NRG1: variants seen among roughly 807,000 people sequenced by gnomAD.
NRG1 encodes pro-neuregulin-1, membrane-bound isoform.
NRG1 carries 18 observed loss-of-function variants against 63.8 expected under a neutral mutation model. The observed-to-expected ratio is 0.28, with a 90% CI of 0.19 to 0.42. The LOEUF is 0.42. Among genes scored for constraint, NRG1 ranks in the 10% least tolerant of loss-of-function variants. The pLI, the probability that NRG1 is intolerant of heterozygous loss-of-function variation, is 1.00. For synonymous variants in NRG1, 302 were observed against 301.3 expected (o/e 1.00, Z -0.02); for missense variants, 762 against 814.7 (o/e 0.94, Z 0.79).
Position 32,357,652 on chromosome 8 carries a change from T to C in NRG1, c.38-238176T>C, listed in dbSNP as rs1415841615. 4.6e-5 allele frequency among the ~76,000 whole-genome samples: 7 copies of C among 152,218 alleles called. No individual in the cohort carries two copies. The East Asian group carries it at 1.3e-3, about 29-fold the overall frequency. The stretch of plus-strand genomic sequence containing the variant: ...TTTCTCTAAAGTAGAAAGCCTCTCT[T>C]TCCTAGAGCCTATGTAAAATGTGTT... On this transcript the variant is annotated intron_variant, in intron 1 of 10. Coordinates refer to the NRG1 transcript ENST00000519301.
chr8:32,340,022 C>T (rs911401526), intron 1 of NRG1, among the ~76,000 whole-genome samples: 8 of 152,068 alleles, frequency 5.3e-5, no homozygotes, highest in African/African-American at 1.9e-4. Context: ...TCTCCTTCCC[C>T]TCTGCTGCTA....
intron 1 of NRG1, among the ~76,000 whole-genome samples, chr8:31,939,927 A>G (rs1454139525): frequency 6.6e-6 from 1 of 152,116 alleles, no homozygotes. Flanking sequence ...AATAATCACT[A>G]CTAGACCTAA....
At chr8:31,745,134 A>G (rs992656446) in intron 1 of NRG1, among the ~76,000 whole-genome samples, 2 of 151,982 alleles carry the variant, frequency 1.3e-5, no homozygotes, top group African/African-American at 4.8e-5. Flanking sequence ...TAGAGTTAAG[A>G]GGAAGAGGTA....
At chr8:32,669,957 G>A (rs1266135875) in intron 5 of NRG1, among the ~76,000 whole-genome samples, 3 of 152,130 alleles carry the variant, frequency 2.0e-5, no homozygotes, top group Admixed American at 2.0e-4. Context: ...AGGGAATTAT[G>A]TGTGTTTACC....
chr8:31,654,459 G>A (rs180954186), intron 1 of NRG1, among the ~76,000 whole-genome samples: 233 of 152,338 alleles, frequency 1.5e-3, no homozygotes, highest in African/African-American at 5.5e-3. Context: ...TGTGAATTAT[G>A]TGTAAAGTGT....
At chr8:32,071,480 A>G (rs548519555) in intron 1 of NRG1, among the ~76,000 whole-genome samples, 5 of 152,170 alleles carry the variant, frequency 3.3e-5, no homozygotes, top group Admixed American at 2.0e-4. Context: ...CTATCTTCCT[A>G]TCAGGGATGC....
At chr8:32,491,236 T>G (rs1331204039) in intron 1 of NRG1, among the ~76,000 whole-genome samples, 2 of 152,184 alleles carry the variant, frequency 1.3e-5, no homozygotes, top group Non-Finnish European at 2.9e-5. Flanking sequence ...TTTCTCTTAG[T>G]TTCTTAGATT....
At chr8:31,976,101 CAACAT>C (rs1482062839) in intron 1 of NRG1, among the ~76,000 whole-genome samples, 1 of 152,092 alleles carries the variant, frequency 6.6e-6, no homozygotes, top group Non-Finnish European at 1.5e-5. Context: ...GTATACAACA[CAACAT>C]AATTTATTAT....
chr8:32,730,560 C>A (rs974418338), intron 6 of NRG1, among the ~76,000 whole-genome samples: 6 of 152,142 alleles, frequency 3.9e-5, no homozygotes, highest in African/African-American at 1.4e-4. Context: ...AAAAAATAAT[C>A]TTAGAGATTC....
intron 5 of NRG1, among the ~76,000 whole-genome samples, chr8:32,671,210 G>A (rs1300016533): frequency 6.6e-6 from 1 of 151,716 alleles, no homozygotes; most frequent in African/African-American, 2.4e-5. Context: ...ATGTTGGAAG[G>A]AGCTCAGTGA....
chr8:31,868,153 C>A (rs1177057061), intron 1 of NRG1, among the ~76,000 whole-genome samples: 1 of 31,618 alleles, frequency 3.2e-5, no homozygotes, highest in Non-Finnish European at 6.5e-5. Flanking sequence ...ATCTTACACA[C>A]ACACACACAC....
chr8:31,848,156 T>A (rs1232033224), intron 1 of NRG1, among the ~76,000 whole-genome samples: 2 of 152,216 alleles, frequency 1.3e-5, no homozygotes, highest in Admixed American at 1.3e-4. Context: ...AATAATGAAA[T>A]ACCAGATAGT....
At chr8:32,249,089 C>T (rs1848848875) in intron 1 of NRG1, among the ~76,000 whole-genome samples, 2 of 96,362 alleles carry the variant, frequency 2.1e-5, no homozygotes, top group South Asian at 7.1e-4. Flanking sequence ...TAGAATAGAG[C>T]TCCTTTAAGA....
chr8:32,226,320 G>A (rs916825320), intron 1 of NRG1, among the ~76,000 whole-genome samples: 1 of 151,954 alleles, frequency 6.6e-6, no homozygotes, highest in African/African-American at 2.4e-5. Context: ...CTCAAATTTG[G>A]CATAAAATTA....
Position 32,315,881 on chromosome 8 carries a change from G to A in NRG1, c.38-279947G>A, listed in dbSNP as rs575079509. 3.4e-5 allele frequency among the ~76,000 whole-genome samples: 5 copies of A among 146,288 alleles called. No individual in the cohort carries two copies. In the South Asian group the frequency reaches 8.3e-4, roughly 24 times the overall value. On this transcript the variant is annotated intron_variant, in intron 1 of 10. Coordinates refer to the NRG1 transcript ENST00000519301. ...TGCCATTGGGCCAAATGCTTTGTATGTGTTATTTCATTTATATTTTTATTT... is the reference window on the plus strand; with the variant it reads ...TGCCATTGGGCCAAATGCTTTGTATATGTTATTTCATTTATATTTTTATTT...
chr8:32,447,214 G>A (rs949161062), intron 1 of NRG1, among the ~76,000 whole-genome samples: 2 of 151,408 alleles, frequency 1.3e-5, no homozygotes, highest in Non-Finnish European at 2.9e-5. Context: ...TAGTAGAGAC[G>A]GGGTTTCACT....
chr8:32,015,262 T>C (rs1815336082), intron 1 of NRG1, among the ~76,000 whole-genome samples: 1 of 152,110 alleles, frequency 6.6e-6, no homozygotes, highest in Non-Finnish European at 1.5e-5. Flanking sequence ...GGCTAAATAG[T>C]GTAGTAGCCA....
At chr8:32,148,698 A>G (rs1200382461) in intron 1 of NRG1, among the ~76,000 whole-genome samples, 6 of 152,228 alleles carry the variant, frequency 3.9e-5, no homozygotes, top group African/African-American at 1.4e-4. Context: ...GGTGGGTGAG[A>G]TGGTGAAGAA....
intron 1 of NRG1, among the ~76,000 whole-genome samples, chr8:32,432,565 G>A (rs1034885104): frequency 6.6e-6 from 1 of 152,102 alleles, no homozygotes; most frequent in South Asian, 2.1e-4. Flanking sequence ...CCAGGCTGGA[G>A]TTCAGTGGCT....
Sources: gnomAD v4.1 joint callset for allele counts (sites outside exome capture counted in the v4.1 genomes callset) on GRCh38, gnomAD v4.1.1 for gene constraint, MANE v1.5 for transcripts, NCBI Gene and HGNC (gene_info 2026-07-23, HGNC 2026-07-21) for gene names.